The following PRPSAP2 variants were observed in gnomAD, a reference collection of about 807,000 sequenced individuals.
PRPSAP2 encodes phosphoribosyl pyrophosphate synthase-associated protein 2.
In PRPSAP2, 24 loss-of-function variants were observed where a neutral mutation model predicts 40.6. The ratio of observed to expected loss-of-function variants is 0.59; its 90% CI spans 0.43 to 0.83. The LOEUF is 0.83. PRPSAP2 is among the 40% of genes least tolerant of loss of function. The pLI, the probability that PRPSAP2 is intolerant of heterozygous loss-of-function variation, is 0.00. For missense variants in PRPSAP2, 292 were observed against 465.6 expected (o/e 0.63, Z 3.43); for synonymous variants, 149 against 164.7 (o/e 0.90, Z 0.73).
intron 8 of PRPSAP2, among the ~76,000 whole-genome samples, chr17:18,903,451 G>A (rs2040404623): frequency 6.9e-6 from 1 of 145,276 alleles, no homozygotes; most frequent in Admixed American, 6.7e-5. Flanking sequence ...TATTGTGAGT[G>A]GGCTAGGCTC....
chr17:18,911,320 G>T lies in PRPSAP2; in HGVS notation c.733+69G>T, dbSNP rs1305174686. 1.9e-5 allele frequency: 26 copies of T among 1,381,814 alleles called. No individual in the cohort carries two copies. Among genetic ancestry groups the T allele is most frequent in the East Asian group, 5.0e-5 (2 of 39,876 alleles). 85.6% of individuals were successfully genotyped at this position (1,381,814 alleles called of 1,614,324 possible). On this transcript the variant is annotated intron_variant, in intron 9 of 11. Transcript: ENST00000268835. This position sits in a 1 kb window ranked among gnomAD's most constrained non-coding sequence, Gnocchi z 4.5. ...GGCTGACTACACTGTTGTCTGTGTG[G>T]TTTTTTTCCTCATTCTTCGTTTTTT...
At chr17:18,896,580 CTTTTTTTTT>C (rs58391876) in intron 8 of PRPSAP2, among the ~76,000 whole-genome samples, 2 of 104,758 alleles carry the variant, frequency 1.9e-5, no homozygotes, top group Non-Finnish European at 3.6e-5. Flanking sequence ...CCAGATTTTC[CTTTTTTTTT>C]TTTTTTTTTT....
At chr17:18,863,982 G>C (rs1014880278) in intron 1 of PRPSAP2, among the ~76,000 whole-genome samples, 4 of 151,620 alleles carry the variant, frequency 2.6e-5, no homozygotes, top group African/African-American at 7.3e-5. Flanking sequence ...TGGGATTACA[G>C]GCATGTACCA....
intron 8 of PRPSAP2, 114 bp from the exon 9 acceptor site, chr17:18,910,989 T>C: frequency 8.0e-7 from 1 of 1,254,538 alleles, no homozygotes; most frequent in South Asian, 2.0e-5. Flanking sequence ...CTCTTTTCTT[T>C]AGTCCTTTGG....
intron 9 of PRPSAP2, 25 bp from the exon 10 acceptor site, chr17:18,923,889 G>GGT (rs762180016): frequency 2.5e-6 from 4 of 1,569,406 alleles, no homozygotes; most frequent in Non-Finnish European, 3.5e-6. Flanking sequence ...TAAAAATTTT[G>GGT]GTGTGTGTGT....
chr17:18,926,766 T>C (rs1405444433), intron 10 of PRPSAP2, among the ~76,000 whole-genome samples: 4 of 142,182 alleles, frequency 2.8e-5, no homozygotes, highest in African/African-American at 1.1e-4. Flanking sequence ...GTTGTGCATG[T>C]AGTGAGTGTG....
At chr17:18,882,546 T>G (rs1395565089) in intron 6 of PRPSAP2, 22 bp from the exon 7 acceptor site, 10 of 1,411,028 alleles carry the variant, frequency 7.1e-6, no homozygotes, top group Non-Finnish European at 8.9e-6. Flanking sequence ...ATTTATTGCT[T>G]GTGTCTGCTT....
intron 4 of PRPSAP2, among the ~76,000 whole-genome samples, 176 bp from the exon 5 acceptor site, chr17:18,872,407 A>G (rs1310322997): frequency 6.6e-6 from 1 of 152,206 alleles, no homozygotes; most frequent in African/African-American, 2.4e-5. Flanking sequence ...GTGTTTTAAA[A>G]AGTGATTAAT....
chr17:18,885,426 A>AG (rs2039065644), intron 7 of PRPSAP2, among the ~76,000 whole-genome samples: 1 of 150,332 alleles, frequency 6.7e-6, no homozygotes, highest in Non-Finnish European at 1.5e-5. Context: ...AAAAAAAAAA[A>AG]AAATTAATAT....
At chr17:18,901,388 AT>A (rs960094683) in intron 8 of PRPSAP2, among the ~76,000 whole-genome samples, 1 of 149,818 alleles carries the variant, frequency 6.7e-6, no homozygotes, top group Non-Finnish European at 1.5e-5. Flanking sequence ...GTGTCTTCTC[AT>A]TTTTTTTTGA....
rs1399103683 is a variant in PRPSAP2, at chr17:18,892,721, G to A, written c.584+2844G>A. Among the ~76,000 whole-genome samples the A allele has an allele frequency of 5.0e-3, 448 of 89,564 alleles. 2 individuals carry two copies. The highest frequency in any genetic ancestry group is 0.012 in the Middle Eastern group (2 of 166). The allele number at this position is 89,564 out of a possible 152,430, so 58.8% of individuals were successfully genotyped here. On this transcript the variant is annotated intron_variant, in intron 8 of 11. Transcript: ENST00000268835. Reference sequence around the variant, plus strand: ...TGTGTGTGTGTGTGTGTGTGTGTGTGTGTGTGTATTTATTTATTTATTTAT... The same window carrying A: ...TGTGTGTGTGTGTGTGTGTGTGTGTATGTGTGTATTTATTTATTTATTTAT...
intron 6 of PRPSAP2, among the ~76,000 whole-genome samples, chr17:18,880,878 G>A (rs191134783): frequency 6.6e-6 from 1 of 151,902 alleles, no homozygotes; most frequent in Non-Finnish European, 1.5e-5. Flanking sequence ...CTGTCGCCCA[G>A]GCTGGAGTGC....
intron 4 of PRPSAP2, among the ~76,000 whole-genome samples, chr17:18,869,077 G>T (rs2037647938): frequency 6.6e-6 from 1 of 152,118 alleles, no homozygotes; most frequent in East Asian, 1.9e-4. Flanking sequence ...GATGTTCTTT[G>T]TCTGGAGTCT....
At chr17:18,920,564 A>G (rs1466364869) in intron 9 of PRPSAP2, among the ~76,000 whole-genome samples, 1 of 152,142 alleles carries the variant, frequency 6.6e-6, no homozygotes, top group African/African-American at 2.4e-5. Context: ...CCCTACATAG[A>G]ATACTTTTTT....
intron 8 of PRPSAP2, among the ~76,000 whole-genome samples, chr17:18,900,148 C>G (rs1223655468): frequency 6.6e-6 from 1 of 151,832 alleles, no homozygotes; most frequent in Non-Finnish European, 1.5e-5. Flanking sequence ...GCCTCCCAGA[C>G]TGCTGGGATT....
At chr17:18,918,808 A>G (rs1292714025) in intron 9 of PRPSAP2, among the ~76,000 whole-genome samples, 1 of 152,202 alleles carries the variant, frequency 6.6e-6, no homozygotes, top group Non-Finnish European at 1.5e-5. Flanking sequence ...TGAAGGACAC[A>G]CCCCTAATCT....
At chr17:18,927,582 C>T (rs2042038027) in intron 10 of PRPSAP2, among the ~76,000 whole-genome samples, 1 of 152,278 alleles carries the variant, frequency 6.6e-6, no homozygotes, top group African/African-American at 2.4e-5. Context: ...GGCTATTATA[C>T]ATAAAACTCG....
intron 1 of PRPSAP2, among the ~76,000 whole-genome samples, chr17:18,863,298 C>T (rs1211811507): frequency 1.3e-5 from 2 of 151,814 alleles, no homozygotes; most frequent in East Asian, 1.9e-4. Flanking sequence ...ACTATGTAGC[C>T]GAGGCTGGTC....
chr17:18,929,591 A>G (rs1190022326), intron 11 of PRPSAP2: 1 of 152,164 alleles, frequency 6.6e-6, no homozygotes, highest in African/African-American at 2.4e-5. Flanking sequence ...GACATTTCAT[A>G]TAAATGAGAT....
Sources: gnomAD v4.1 joint callset for allele counts (sites outside exome capture counted in the v4.1 genomes callset) on GRCh38, gnomAD v4.1.1 for gene constraint, Gnocchi (gnomAD v3.1) non-coding constraint, MANE v1.5 for transcripts, NCBI Gene and HGNC (gene_info 2026-07-23, HGNC 2026-07-21) for gene names.